ZNF644: variants seen among roughly 807,000 people sequenced by gnomAD.
ZNF644 encodes the protein zinc finger protein 644.
In ZNF644, 20 loss-of-function variants were observed where a neutral mutation model predicts 108.0. The ratio of observed to expected loss-of-function variants is 0.19; its 90% CI spans 0.13 to 0.27. The LOEUF (loss-of-function observed/expected upper bound fraction) is 0.27. ZNF644 is among the 10% of genes least tolerant of loss of function. The probability of loss-of-function intolerance (pLI) is 1.00; values close to 1 mark genes in which losing one functional copy is unlikely to be tolerated. For missense variants in ZNF644, 1,338 were observed against 1,548.9 expected, an observed-to-expected ratio of 0.86 and a Z score of 2.29; for synonymous variants, 542 against 539.1, an observed-to-expected ratio of 1.01 and a Z score of -0.08.
chr1:90,975,174 T>G (rs1655871206), intron 2 of ZNF644, among the ~76,000 whole-genome samples: 1 of 152,200 alleles, frequency 6.6e-6, no homozygotes, highest in African/African-American at 2.4e-5. Flanking sequence ...TATATTAAAG[T>G]ACTGAATATA....
chr1:90,945,777 ATTCTT>A (rs1652453042), intron 2 of ZNF644, among the ~76,000 whole-genome samples: 1 of 152,068 alleles, frequency 6.6e-6, no homozygotes, highest in African/African-American at 2.4e-5. Context: ...GCTTAATTTC[ATTCTT>A]TTATGTACAT....
At position 90,940,755 on chromosome 1, in the gene ZNF644, A is replaced by C; in HGVS notation, c.599T>G (p.Val200Gly). The stretch of plus-strand genomic sequence containing the variant: ...TACTGAATTCTGAATGTCACAACCA[A>C]CTGAAGCAGAGGTAGGTAGTTTTTT... The part of the protein sequence containing the change: ...SNKKLPTSAS[V>G]GCDIQNSVGS... The change falls in exon 3 of 6, where the codon GTT (valine) becomes GGT (glycine). Residue 200 changes from valine (V) to glycine (G), a missense_variant. Transcript: ENST00000337393. The C allele has an allele frequency of 6.2e-7, 1 of 1,614,010 alleles. No individual in the cohort carries two copies. Among genetic ancestry groups the C allele is most frequent in the South Asian group, 1.1e-5 (1 of 91,080 alleles).
At chr1:91,010,263 A>G (rs165168) in intron 1 of ZNF644, among the ~76,000 whole-genome samples, 19,529 of 139,288 alleles carry the variant, frequency 0.14, 1,397 homozygotes, top group African/African-American at 0.16. Flanking sequence ...TTTCTGAGAC[A>G]CAGTCTCACT....
At chr1:90,948,210 T>C (rs1041775806) in intron 2 of ZNF644, among the ~76,000 whole-genome samples, 14 of 152,334 alleles carry the variant, frequency 9.2e-5, no homozygotes, top group Non-Finnish European at 1.5e-4. Flanking sequence ...CCAAGTCAGA[T>C]ATCTATTTGC....
intron 2 of ZNF644, among the ~76,000 whole-genome samples, chr1:90,963,893 C>T (rs924466123): frequency 2.2e-4 from 34 of 152,042 alleles, no homozygotes; most frequent in Non-Finnish European, 2.8e-4. Context: ...CTGTACCCTA[C>T]ACTTCATGCA....
chr1:90,966,159 T>TA (rs1654852185), intron 2 of ZNF644, among the ~76,000 whole-genome samples: 1 of 152,212 alleles, frequency 6.6e-6, no homozygotes, highest in African/African-American at 2.4e-5. Context: ...CAAATATACT[T>TA]ACGGATCATT....
At chr1:90,983,788 G>A (rs564089282) in intron 1 of ZNF644, among the ~76,000 whole-genome samples, 8 of 152,308 alleles carry the variant, frequency 5.3e-5, no homozygotes, top group South Asian at 4.1e-4. Flanking sequence ...TTAGCTGGGC[G>A]TGGTGGCACG....
chr1:90,950,212 G>A (rs1193155174), intron 2 of ZNF644, among the ~76,000 whole-genome samples: 1 of 142,754 alleles, frequency 7.0e-6, no homozygotes, highest in Non-Finnish European at 1.5e-5. Flanking sequence ...CGGGAGGAAA[G>A]GTTGCAGTGA....
intron 1 of ZNF644, among the ~76,000 whole-genome samples, chr1:91,007,225 G>GTTTTTTTTTTTTTTTTT: frequency 1.8e-5 from 1 of 55,974 alleles, no homozygotes; most frequent in Middle Eastern, 0.012. Flanking sequence ...CTCCCATTTT[G>GTTTTTTTTTTTTTTTTT]TTTTTTTTTT....
At chr1:90,989,822 C>T (rs1657463052) in intron 1 of ZNF644, among the ~76,000 whole-genome samples, 1 of 152,124 alleles carries the variant, frequency 6.6e-6, no homozygotes, top group Admixed American at 6.6e-5. Flanking sequence ...TGGGCATATA[C>T]ACAAAGAATC....
intron 1 of ZNF644, among the ~76,000 whole-genome samples, chr1:91,006,267 C>T (rs922509986): frequency 7.2e-5 from 11 of 152,064 alleles, no homozygotes; most frequent in Admixed American, 6.6e-4. Context: ...TAGCCAACCA[C>T]GGCGGACAGC....
intron 1 of ZNF644, among the ~76,000 whole-genome samples, chr1:90,998,023 T>C (rs1361966177): frequency 2.0e-5 from 3 of 152,108 alleles, no homozygotes; most frequent in Non-Finnish European, 4.4e-5. Flanking sequence ...TTGCTGAGGC[T>C]TGAGTAGGTA....
intron 1 of ZNF644, among the ~76,000 whole-genome samples, chr1:90,995,809 AAAC>A (rs1279276487): frequency 1.3e-5 from 2 of 152,248 alleles, no homozygotes; most frequent in African/African-American, 2.4e-5. Context: ...GCCAGCAGAT[AAAC>A]AACAAGAGTT....
intron 1 of ZNF644, among the ~76,000 whole-genome samples, chr1:91,019,665 G>C (rs1016769080): frequency 1.3e-5 from 2 of 152,096 alleles, no homozygotes; most frequent in Admixed American, 6.5e-5. Context: ...CTGCCTTCCG[G>C]GTTCAAGTGA....
chr1:90,918,700 C>T (rs906514683), intron 4 of ZNF644, among the ~76,000 whole-genome samples: 1 of 152,004 alleles, frequency 6.6e-6, no homozygotes, highest in Non-Finnish European at 1.5e-5. Flanking sequence ...TAGTGATTCA[C>T]CATGAATTTT....
Position 90,938,825 on chromosome 1 carries a change from T to A in ZNF644, c.2529A>T (p.Lys843Asn), listed in dbSNP as rs1231028563. The change falls in exon 3 of 6, where the codon AAA becomes AAT. Residue 843 changes from lysine to asparagine, a missense_variant. Lys to Asn is a moderately conservative substitution (Grantham distance 94). Around this residue, in one of 6 missense-constraint regions of ZNF644, gnomAD observed 462 missense variants for 472.6 expected, o/e 0.98. Coordinates refer to ENST00000337393, the MANE Select transcript of ZNF644 (RefSeq NM_201269.3). This position sits in a 1 kb window ranked among gnomAD's most constrained non-coding sequence, Gnocchi z 4.2. ...LHKMTVVVLQKLNSAEKKDSY... is the reference protein window; with the variant it reads ...LHKMTVVVLQNLNSAEKKDSY... Reference sequence around the variant, plus strand: ...TATCTTTCTTTTCAGCAGAATTAAGTTTTTGCAAAACGACAACAGTCATTT... The same window carrying A: ...TATCTTTCTTTTCAGCAGAATTAAGATTTTGCAAAACGACAACAGTCATTT... 6.2e-7 allele frequency: 1 copy of A among 1,613,856 alleles called. No individual in the cohort carries two copies. The highest frequency in any genetic ancestry group is 1.3e-5 in the African/African-American group (1 of 75,046).
At chr1:90,985,150 T>C (rs913871595) in intron 1 of ZNF644, among the ~76,000 whole-genome samples, 2 of 152,194 alleles carry the variant, frequency 1.3e-5, no homozygotes, top group Non-Finnish European at 2.9e-5. Context: ...CAGCACATTT[T>C]AGACACTTTA....
intron 1 of ZNF644, among the ~76,000 whole-genome samples, chr1:90,992,780 C>T (rs1189803189): frequency 6.6e-6 from 1 of 152,202 alleles, no homozygotes; most frequent in Non-Finnish European, 1.5e-5. Flanking sequence ...GGTGCAGTGG[C>T]TCATGCCTGT....
rs114094098 is a variant in ZNF644, at chr1:91,015,521, T to C, written c.-18+6469A>G. 4.0e-3 allele frequency among the ~76,000 whole-genome samples: 616 copies of C among 152,258 alleles called. 5 individuals carry two copies. Among genetic ancestry groups the C allele is most frequent in the African/African-American group, 0.014 (585 of 41,536 alleles). On this transcript the variant is annotated intron_variant, in intron 1 of 5. Coordinates refer to ENST00000337393, the MANE Select transcript of ZNF644 (RefSeq NM_201269.3). ...CACCACATGGCCTCACAGTCAAAAA[T>C]TGAAAGGAGAGTGAAGAAATTCAGC...
Sources: gnomAD v4.1 joint callset for allele counts (sites outside exome capture counted in the v4.1 genomes callset) on GRCh38, gnomAD v4.1.1 for gene constraint, gnomAD v4.1.1 regional missense constraint, Gnocchi (gnomAD v3.1) non-coding constraint, MANE v1.5 for transcripts, NCBI Gene and HGNC (gene_info 2026-07-23, HGNC 2026-07-21) for gene names.